The following PTN variants were observed in gnomAD, a reference collection of about 807,000 sequenced individuals.
PTN encodes the protein heparin affin regulatory protein.
PTN carries 18 observed loss-of-function variants against 24.1 expected under a neutral mutation model. That is an observed-to-expected ratio of 0.75 (90% CI 0.52 to 1.11). The LOEUF (loss-of-function observed/expected upper bound fraction) is 1.11. PTN is among the 50% of genes least tolerant of loss of function. The pLI is 0.00. For synonymous variants in PTN, 78 were observed against 68.6 expected, an observed-to-expected ratio of 1.14 and a Z score of -0.67; for missense variants, 163 against 198.8, an observed-to-expected ratio of 0.82 and a Z score of 1.08.
intron 1 of PTN, among the ~76,000 whole-genome samples, chr7:137,319,397 G>A (rs1357233525): frequency 1.3e-5 from 2 of 152,082 alleles, no homozygotes; most frequent in Admixed American, 6.6e-5. Context: ...TCTCCAAAGC[G>A]GGCATGACTT....
intron 1 of PTN, among the ~76,000 whole-genome samples, chr7:137,300,292 C>T (rs1809786219): frequency 6.6e-6 from 1 of 151,964 alleles, no homozygotes; most frequent in Admixed American, 6.6e-5. Flanking sequence ...CATAAAAATT[C>T]ATCAGCTATT....
intron 1 of PTN, among the ~76,000 whole-genome samples, chr7:137,324,568 C>A (rs1401804680): frequency 6.6e-6 from 1 of 151,372 alleles, no homozygotes; most frequent in Non-Finnish European, 1.5e-5. Context: ...CTTTAAGAGA[C>A]AATGTTCTAC....
At chr7:137,240,311 G>A (rs1044354762) in intron 4 of PTN, among the ~76,000 whole-genome samples, 1 of 152,058 alleles carries the variant, frequency 6.6e-6, no homozygotes. Flanking sequence ...TCCATTGCAG[G>A]CTCTTAATAG....
At chr7:137,239,970 T>C (rs1349742015) in intron 4 of PTN, among the ~76,000 whole-genome samples, 1 of 152,146 alleles carries the variant, frequency 6.6e-6, no homozygotes, top group African/African-American at 2.4e-5. Flanking sequence ...AAGCTCTCTT[T>C]GGCCTGAAGG....
chr7:137,268,258 C>A (rs187439836), intron 1 of PTN, among the ~76,000 whole-genome samples: 2 of 152,168 alleles, frequency 1.3e-5, no homozygotes, highest in East Asian at 3.9e-4. Flanking sequence ...TGGAGTCCCC[C>A]GCAGGGATGT....
chr7:137,317,881 A>G (rs1391438863), intron 1 of PTN, among the ~76,000 whole-genome samples: 1 of 152,168 alleles, frequency 6.6e-6, no homozygotes, highest in African/African-American at 2.4e-5. Context: ...AGGATGAGTA[A>G]GTACCCTGGG....
intron 1 of PTN, among the ~76,000 whole-genome samples, chr7:137,303,576 T>G (rs544591349): frequency 6.6e-6 from 1 of 152,102 alleles, no homozygotes; most frequent in African/African-American, 2.4e-5. Flanking sequence ...TATTAAACAC[T>G]GTAGATGTCT....
chr7:137,255,376 A>C lies in PTN; in HGVS notation c.-1-402T>G, dbSNP rs373975242. On this transcript the variant is annotated intron_variant, in intron 1 of 4. Coordinates refer to ENST00000348225, the MANE Select transcript of PTN (RefSeq NM_002825.7). ...TCCTGACAATATTAGAAACAACCACAGCAATGATACTGCTGTACACAAGAC... is the reference window on the plus strand; with the variant it reads ...TCCTGACAATATTAGAAACAACCACCGCAATGATACTGCTGTACACAAGAC... 3.9e-5 allele frequency among the ~76,000 whole-genome samples: 6 copies of C among 152,374 alleles called. 1 individual carries two copies. The highest frequency in any genetic ancestry group is 1.4e-4 in the African/African-American group (6 of 41,596).
At chr7:137,265,417 G>A (rs973867102) in intron 1 of PTN, among the ~76,000 whole-genome samples, 4 of 152,130 alleles carry the variant, frequency 2.6e-5, no homozygotes, top group East Asian at 1.9e-4. Flanking sequence ...ATCTGCTTGC[G>A]GATGAACAAT....
chr7:137,282,963 T>C (rs1162593848), intron 1 of PTN, among the ~76,000 whole-genome samples: 1 of 152,192 alleles, frequency 6.6e-6, no homozygotes, highest in Non-Finnish European at 1.5e-5. Flanking sequence ...TGAGGCTACT[T>C]GATTTCCAGA....
At chr7:137,279,403 C>T (rs1452441048) in intron 1 of PTN, among the ~76,000 whole-genome samples, 1 of 152,092 alleles carries the variant, frequency 6.6e-6, no homozygotes, top group Non-Finnish European at 1.5e-5. Flanking sequence ...TAGAAAACTG[C>T]TGTATTAAAA....
intron 1 of PTN, among the ~76,000 whole-genome samples, chr7:137,283,952 A>ATTTTTTTTTTTTTTTTTTTTTTTTTTT (rs753374720): frequency 4.1e-5 from 2 of 48,912 alleles, no homozygotes; most frequent in Non-Finnish European, 6.7e-5. Flanking sequence ...TGAGCATCAG[A>ATTTTTTTTTTTTTTTTTTTTTTTTTTT]TTTTTTTTTT....
chr7:137,236,626 C>T (rs918507273), intron 4 of PTN, among the ~76,000 whole-genome samples: 1 of 152,102 alleles, frequency 6.6e-6, no homozygotes, highest in Non-Finnish European at 1.5e-5. Context: ...TCCCACACCA[C>T]AGATTCATCG....
intron 1 of PTN, among the ~76,000 whole-genome samples, chr7:137,321,322 C>A (rs917309543): frequency 2.0e-5 from 3 of 152,188 alleles, no homozygotes; most frequent in African/African-American, 7.2e-5. Flanking sequence ...AGAATAAAAT[C>A]CTTTACACCA....
chr7:137,295,781 A>T (rs1477227140), intron 1 of PTN, among the ~76,000 whole-genome samples: 1 of 151,858 alleles, frequency 6.6e-6, no homozygotes, highest in East Asian at 1.9e-4. Context: ...TCATATACTA[A>T]TTTTTTCTAC....
intron 1 of PTN, among the ~76,000 whole-genome samples, chr7:137,335,102 GT>G (rs1440959473): frequency 2.8e-5 from 4 of 140,770 alleles, no homozygotes; most frequent in African/African-American, 1.0e-4. Context: ...TAAATGACGA[GT>G]TGATGGGTGC....
intron 1 of PTN, among the ~76,000 whole-genome samples, chr7:137,313,694 A>AT (rs1290553936): frequency 1.1e-4 from 17 of 152,224 alleles, no homozygotes; most frequent in Non-Finnish European, 1.9e-4. Flanking sequence ...TCACACTAAG[A>AT]TTTTAAAATT....
chr7:137,251,601 C>T (rs1563200294), intron 3 of PTN, among the ~76,000 whole-genome samples: 2 of 148,342 alleles, frequency 1.3e-5, no homozygotes, highest in South Asian at 2.1e-4. Flanking sequence ...CATCAATATA[C>T]ACCATTAATA....
At chr7:137,333,238 G>A (rs1343166242) in intron 1 of PTN, among the ~76,000 whole-genome samples, 1 of 152,150 alleles carries the variant, frequency 6.6e-6, no homozygotes, top group Admixed American at 6.6e-5. Flanking sequence ...ATGAGTGGAT[G>A]CCATCTGAGG....
Sources: allele counts gnomAD v4.1 joint callset (sites outside exome capture counted in the v4.1 genomes callset), GRCh38; gene constraint gnomAD v4.1.1; transcripts MANE v1.5; gene names NCBI Gene and HGNC (gene_info 2026-07-23, HGNC 2026-07-21).